CLEC4D: variants seen among roughly 807,000 people sequenced by gnomAD.
CLEC4D encodes C-type lectin domain family 4 member D.
A neutral mutation model predicts 21.1 loss-of-function variants in CLEC4D; 21 were observed. The ratio of observed to expected loss-of-function variants is 1.00; its 90% CI spans 0.71 to 1.43. The LOEUF is 1.43. CLEC4D is among the 40% of genes most tolerant of loss of function. The probability of loss-of-function intolerance (pLI) is 0.00; values close to 1 mark genes in which losing one functional copy is unlikely to be tolerated. For missense variants in CLEC4D, 289 were observed against 260.7 expected, an observed-to-expected ratio of 1.11 and a Z score of -0.75; for synonymous variants, 85 against 83.1, an observed-to-expected ratio of 1.02 and a Z score of -0.12.
In CLEC4D at chr12:8,515,298, C is replaced by G. The variant is rs747437214; in HGVS notation, c.91C>G (p.Leu31Val). 9 of 1,499,752 alleles carry G rather than the reference C, an allele frequency of 6.0e-6. No homozygotes were observed. The highest frequency in any genetic ancestry group is 8.4e-6 in the Non-Finnish European group (9 of 1,076,302). 92.9% of individuals were successfully genotyped at this position (1,499,752 alleles called of 1,614,324 possible). The change falls in exon 2 of 6, where the codon CTC becomes GTC. Residue 31 changes from leucine (L) to valine (V), a missense_variant. By Grantham distance (32) the Leu-to-Val change is conservative. Transcript: ENST00000299665. ...SVIAVVFILL[L>V]SVCFIASCLV... is the part of the protein sequence containing the mutation. ...TATTGCTGTAGTTTTCATCTTACTT[C>G]TCAGTGTCTGTTTTATTGCAAGTTG...
intron 4 of CLEC4D, among the ~76,000 whole-genome samples, chr12:8,519,603 G>A (rs943300673): frequency 5.3e-5 from 8 of 152,192 alleles, no homozygotes; most frequent in African/African-American, 1.9e-4. Context: ...CTTGATAAAT[G>A]TTTGGTTAGT....
At chr12:8,519,578 G>T (rs189797540) in intron 4 of CLEC4D, among the ~76,000 whole-genome samples, 1 of 152,246 alleles carries the variant, frequency 6.6e-6, no homozygotes, top group Admixed American at 6.5e-5. Context: ...GCAGTGTGAG[G>T]CACACTGGAT....
chr12:8,530,751 T>C, the CLEC4D span, among the ~76,000 whole-genome samples: 1 of 152,178 alleles, frequency 6.6e-6, no homozygotes, highest in Non-Finnish European at 1.5e-5. Flanking sequence ...AGGGAATGTA[T>C]GGACAAAATG....
the CLEC4D span, among the ~76,000 whole-genome samples, chr12:8,531,352 C>T: frequency 3.3e-5 from 5 of 152,138 alleles, no homozygotes; most frequent in African/African-American, 9.7e-5. Flanking sequence ...TATCAGGAAA[C>T]GGAAAGGTAG....
chr12:8,522,133 T>A lies in CLEC4D; in HGVS notation c.*862T>A, dbSNP rs1273291850. On this transcript the variant is annotated 3_prime_UTR_variant, in exon 6 of 6. Transcript: ENST00000299665. ...CGACTGGATAAAATTTCTTAATTGT[T>A]TGAAGTAACATTGTATTCGTGTTTG... The A allele has an allele frequency of 6.6e-6, 1 of 152,180 alleles. No individual in the cohort carries two copies. The highest frequency in any genetic ancestry group is 2.4e-5 in the African/African-American group (1 of 41,466). The allele number at this position is 152,180 out of a possible 1,614,324, so 9.4% of individuals were successfully genotyped here.
At chr12:8,530,558 C>T in the CLEC4D span, among the ~76,000 whole-genome samples, 2 of 151,034 alleles carry the variant, frequency 1.3e-5, no homozygotes, top group African/African-American at 4.9e-5. Context: ...ACATGTAATC[C>T]ATATAAAATT....
downstream of CLEC4D, among the ~76,000 whole-genome samples, chr12:8,526,935 A>G (rs915128267): frequency 1.3e-5 from 2 of 151,648 alleles, no homozygotes; most frequent in East Asian, 1.9e-4. Flanking sequence ...TTTTCTTTCA[A>G]TGGTCAGGTC....
chr12:8,528,620 TAGAAGCTTAAAATTCTTAAA>T, the CLEC4D span, among the ~76,000 whole-genome samples: 13 of 152,266 alleles, frequency 8.5e-5, no homozygotes, highest in Non-Finnish European at 1.8e-4. Context: ...ATGGTAGTCC[TAGAAGCTTAAAATTCTTAAA>T]AATTTCAAGC....
chr12:8,528,913 A>T, the CLEC4D span, among the ~76,000 whole-genome samples: 2 of 151,740 alleles, frequency 1.3e-5, no homozygotes, highest in African/African-American at 2.4e-5. Context: ...CATACATGTT[A>T]TATACTAAAC....
At chr12:8,520,450 A>C in intron 5 of CLEC4D, 109 bp downstream of exon 5, 3 of 1,453,252 alleles carry the variant, frequency 2.1e-6, no homozygotes, top group Non-Finnish European at 1.8e-6. Flanking sequence ...GTTAAGAGAG[A>C]CCACTGTAGG....
At chr12:8,517,933 G>A (rs1565491884) in intron 2 of CLEC4D, among the ~76,000 whole-genome samples, 2 of 152,010 alleles carry the variant, frequency 1.3e-5, no homozygotes, top group South Asian at 2.1e-4. Context: ...GTGACAGAGC[G>A]AGACTCCGTC....
chr12:8,516,856 G>A (rs550916235), intron 2 of CLEC4D, among the ~76,000 whole-genome samples: 23 of 152,170 alleles, frequency 1.5e-4, no homozygotes, highest in Non-Finnish European at 2.9e-4. Context: ...ACATCTAATA[G>A]GAGTAGAATA....
At chr12:8,514,123 G>A (rs1270031942) in intron 1 of CLEC4D, among the ~76,000 whole-genome samples, 1 of 152,086 alleles carries the variant, frequency 6.6e-6, no homozygotes, top group Non-Finnish European at 1.5e-5. Flanking sequence ...TTTTATGTTT[G>A]ACTTAAGTGA....
rs1474708703 is a variant in CLEC4D at position 8,521,234 on chromosome 12, G to C, written c.611G>C (p.Ser204Thr). 6.2e-7 allele frequency: 1 copy of C among 1,612,844 alleles called. No homozygotes were observed. Among genetic ancestry groups the C allele is most frequent in the Non-Finnish European group, 8.5e-7 (1 of 1,179,340 alleles). ...WNDVPCNFEA[S>T]RICKIPGTTL... is the part of the protein sequence containing the mutation. ...GATGTTCCTTGTAACTTTGAAGCAAGTAGGATTTGTAAAATACCTGGAACA... is the reference window on the plus strand; with the variant it reads ...GATGTTCCTTGTAACTTTGAAGCAACTAGGATTTGTAAAATACCTGGAACA... Residue 204 changes from serine (S) to threonine (T), a missense_variant, in exon 6 of 6, where the codon AGT becomes ACT. Physicochemically the swap from Ser to Thr is moderately conservative, Grantham distance 58. Transcript: ENST00000299665.
Position 8,520,244 on chromosome 12 carries a change from C to A in CLEC4D, c.403C>A (p.Leu135Met), listed in dbSNP as rs1378140619. 5 of 1,613,760 alleles carry A rather than the reference C, an allele frequency of 3.1e-6. No individual in the cohort carries two copies. Among genetic ancestry groups the A allele is most frequent in the Admixed American group, 3.3e-5 (2 of 59,990 alleles). ...EAEQNFIIQF[L>M]DRRLSYFLGL... ...TATGCAGAACTTTATTATTCAGTTT[C>A]TGGATAGACGGCTTTCCTATTTCCT... is the stretch of plus-strand genomic sequence containing the variant. The change falls in exon 5 of 6, where the codon CTG becomes ATG. Residue 135 changes from leucine to methionine, a missense_variant. By Grantham distance (15) the Leu-to-Met change is conservative (BLOSUM62 2). Coordinates refer to ENST00000299665, the MANE Select transcript of CLEC4D (RefSeq NM_080387.5).
downstream of CLEC4D, among the ~76,000 whole-genome samples, chr12:8,524,266 G>A (rs891713412): frequency 5.3e-5 from 8 of 152,062 alleles, no homozygotes; most frequent in African/African-American, 1.9e-4. Context: ...AGTTTCAGAA[G>A]GAATGGTACC....
the CLEC4D span, among the ~76,000 whole-genome samples, chr12:8,527,502 T>G: frequency 6.6e-6 from 1 of 152,218 alleles, no homozygotes. Context: ...TGTGTTGGGC[T>G]GTGGGGACAA....
chr12:8,514,165 A>G (rs899618749), intron 1 of CLEC4D, among the ~76,000 whole-genome samples: 7 of 152,140 alleles, frequency 4.6e-5, no homozygotes, highest in Non-Finnish European at 1.0e-4. Context: ...ATAATATTAA[A>G]TAATATTTTT....
At chr12:8,523,961 T>G (rs1940486088), downstream of CLEC4D, among the ~76,000 whole-genome samples, 1 of 152,202 alleles carries the variant, frequency 6.6e-6, no homozygotes, top group African/African-American at 2.4e-5. Flanking sequence ...GATAACCATG[T>G]GGTTTTTGTC....
Sources: allele counts gnomAD v4.1 joint callset (sites outside exome capture counted in the v4.1 genomes callset), GRCh38; gene constraint gnomAD v4.1.1; transcripts MANE v1.5; gene names NCBI Gene and HGNC (gene_info 2026-07-23, HGNC 2026-07-21).